Variants in HTR2C observed in about 807,000 individuals in gnomAD.
The protein encoded by HTR2C is 5-hydroxytryptamine (serotonin) receptor 2C, G protein-coupled.
Under a neutral mutation model 21.0 loss-of-function variants are expected in HTR2C, and 5 were observed. The observed-to-expected ratio is 0.24, with a 90% CI of 0.12 to 0.50. The LOEUF (loss-of-function observed/expected upper bound fraction) is 0.50, where lower values mean the gene tolerates loss of function less well. HTR2C is among the 20% of genes least tolerant of loss of function. The probability of loss-of-function intolerance (pLI) is 0.98; values close to 1 mark genes in which losing one functional copy is unlikely to be tolerated. For missense variants in HTR2C, 271 were observed against 371.2 expected, an observed-to-expected ratio of 0.73 and a Z score of 2.22; for synonymous variants, 150 against 145.3, an observed-to-expected ratio of 1.03 and a Z score of -0.23.
chrX:114,675,609 T>C (rs1472283455), intron 2 of HTR2C, among the ~76,000 whole-genome samples: 2 of 111,988 alleles, frequency 1.8e-5, no homozygotes, highest in East Asian at 5.6e-4. Context: ...ATTTCCAAAT[T>C]AGGCACCTTT....
chrX:114,650,534 C>T (rs928697852), intron 2 of HTR2C, among the ~76,000 whole-genome samples: 1 of 111,951 alleles, frequency 8.9e-6, no homozygotes, highest in Non-Finnish European at 1.9e-5. Context: ...AGATCATCCT[C>T]ATTCTTCAAG....
At chrX:114,843,480 A>G (rs1196825066) in intron 4 of HTR2C, among the ~76,000 whole-genome samples, 3 of 111,446 alleles carry the variant, frequency 2.7e-5, no homozygotes, top group African/African-American at 9.8e-5. Context: ...TGCCTAAGGG[A>G]CCTTTGAGAC....
At chrX:114,657,147 C>A (rs1930811930) in intron 2 of HTR2C, among the ~76,000 whole-genome samples, 2 of 110,750 alleles carry the variant, frequency 1.8e-5, no homozygotes, top group South Asian at 3.8e-4. Context: ...TTTATCTTGA[C>A]ACATTTCTTG....
chrX:114,907,479 A>T lies in HTR2C; in HGVS notation c.*64A>T, dbSNP rs2071385128. 3.5e-6 allele frequency: 3 copies of T among 859,330 alleles called. No individual in the cohort carries two copies. The highest frequency in any genetic ancestry group is 3.3e-6 in the Non-Finnish European group (2 of 600,444). 70.8% of individuals were successfully genotyped at this position (859,330 alleles called of 1,213,427 possible). On this transcript the variant is annotated 3_prime_UTR_variant, in exon 6 of 6. Coordinates refer to ENST00000276198, the MANE Select transcript of HTR2C (RefSeq NM_000868.4). The stretch of plus-strand genomic sequence containing the variant: ...ATATGTAGGAAAATTTTCTTCTTTA[A>T]TTTTTCTGTTGGTCTTAACTAATGT...
chrX:114,595,557 C>T (rs893637971), intron 1 of HTR2C, among the ~76,000 whole-genome samples: 6 of 110,683 alleles, frequency 5.4e-5, no homozygotes, highest in Non-Finnish European at 9.4e-5. Context: ...ACTTTCCCCT[C>T]TCTTCATGTC....
At chrX:114,651,795 A>T (rs2147834684) in intron 2 of HTR2C, among the ~76,000 whole-genome samples, 1 of 112,050 alleles carries the variant, frequency 8.9e-6, no homozygotes, top group South Asian at 3.6e-4. Context: ...CTATTATAAT[A>T]CATTTTTTAT....
intron 2 of HTR2C, among the ~76,000 whole-genome samples, chrX:114,696,186 GA>G (rs782283315): frequency 6.4e-4 from 71 of 111,351 alleles, no homozygotes; most frequent in African/African-American, 2.2e-3. Flanking sequence ...AGCATACCAG[GA>G]AAAAATGAAC....
intron 5 of HTR2C, among the ~76,000 whole-genome samples, chrX:114,859,378 A>G (rs1264258913): frequency 9.0e-6 from 1 of 110,986 alleles, no homozygotes; most frequent in Non-Finnish European, 1.9e-5. Flanking sequence ...GTTCTTAATT[A>G]TAGATTCAAT....
intron 5 of HTR2C, among the ~76,000 whole-genome samples, chrX:114,897,653 G>T (rs1477882581): frequency 2.7e-5 from 3 of 111,936 alleles, no homozygotes; most frequent in African/African-American, 9.7e-5. Context: ...GAGAAGACAA[G>T]GTATTTGCTT....
chrX:114,718,688 A>C (rs1007187629), intron 2 of HTR2C, among the ~76,000 whole-genome samples: 11 of 110,262 alleles, frequency 1.0e-4, no homozygotes, highest in Non-Finnish European at 1.9e-4. Flanking sequence ...TTTACACTGT[A>C]GAAAGGATTG....
At chrX:114,884,455 T>C (rs1255364627) in intron 5 of HTR2C, among the ~76,000 whole-genome samples, 2 of 111,276 alleles carry the variant, frequency 1.8e-5, no homozygotes, top group African/African-American at 6.5e-5. Context: ...AACAATTCAA[T>C]GGTAAGGAAA....
intron 1 of HTR2C, among the ~76,000 whole-genome samples, chrX:114,601,727 T>A (rs1928101974): frequency 9.3e-6 from 1 of 107,433 alleles, no homozygotes; most frequent in Non-Finnish European, 1.9e-5. Flanking sequence ...CTGACATTCC[T>A]GCCTTCTTAT....
chrX:114,775,608 G>A, intron 4 of HTR2C: 2 of 495,065 alleles, frequency 4.0e-6, no homozygotes, highest in Non-Finnish European at 7.5e-6. Context: ...TCCAAGAGCA[G>A]CAAATCTTGA....
chrX:114,838,341 T>G (rs1434012109), intron 4 of HTR2C, among the ~76,000 whole-genome samples: 1 of 112,043 alleles, frequency 8.9e-6, no homozygotes, highest in African/African-American at 3.2e-5. Flanking sequence ...TTGATTATAA[T>G]TTTTTGTTTC....
At chrX:114,764,494 T>A (rs1391441268) in intron 4 of HTR2C, among the ~76,000 whole-genome samples, 1 of 111,280 alleles carries the variant, frequency 9.0e-6, no homozygotes, top group African/African-American at 3.3e-5. Flanking sequence ...AAATAAATAA[T>A]GTAATTGTAG....
intron 5 of HTR2C, among the ~76,000 whole-genome samples, chrX:114,892,624 C>A (rs2071266622): frequency 9.1e-6 from 1 of 110,411 alleles, no homozygotes. Context: ...CATATACTCA[C>A]AACAAGTAAT....
intron 2 of HTR2C, among the ~76,000 whole-genome samples, chrX:114,680,020 A>AT (rs199539135): frequency 0.15 from 16,869 of 111,760 alleles, 928 homozygotes; most frequent in South Asian, 0.32. Context: ...ACTATTGGGC[A>AT]TTTTTTGTTA....
rs142877748 is a variant in HTR2C, at chrX:114,781,073, G to C, written c.349+49466G>C. 9.7e-4 allele frequency among the ~76,000 whole-genome samples: 108 copies of C among 111,661 alleles called. 2 individuals are homozygous for C. In the East Asian group the frequency reaches 0.027, roughly 28 times the overall value. On this transcript the variant is annotated intron_variant, in intron 4 of 5. Coordinates refer to ENST00000276198, the MANE Select transcript of HTR2C (RefSeq NM_000868.4). Reference sequence around the variant, plus strand: ...GGCCATTTTTATAGTAATTTGTAGAGTAAATTAAGAGCAGTTTAGGCAAAG... The same window carrying C: ...GGCCATTTTTATAGTAATTTGTAGACTAAATTAAGAGCAGTTTAGGCAAAG...
At chrX:114,591,754 C>T in intron 1 of HTR2C, among the ~76,000 whole-genome samples, 1 of 112,209 alleles carries the variant, frequency 8.9e-6, no homozygotes, top group Non-Finnish European at 1.9e-5. Flanking sequence ...AAGAGAATTT[C>T]AGTTGAGGGC....
Sources: allele counts gnomAD v4.1 joint callset (sites outside exome capture counted in the v4.1 genomes callset), GRCh38; gene constraint gnomAD v4.1.1; transcripts MANE v1.5; gene names NCBI Gene and HGNC (gene_info 2026-07-23, HGNC 2026-07-21).